Variants in FMNL2 observed in about 807,000 individuals in gnomAD.
FMNL2 encodes the protein formin-like protein 2.
In FMNL2, 51 loss-of-function variants were observed where a neutral mutation model predicts 130.2. That is an observed-to-expected ratio of 0.39 (90% CI 0.31 to 0.49). The LOEUF (loss-of-function observed/expected upper bound fraction) is 0.49. Among genes scored for constraint, FMNL2 ranks in the 20% least tolerant of loss-of-function variants. The probability of loss-of-function intolerance (pLI) is 0.85; values close to 1 mark genes in which losing one functional copy is unlikely to be tolerated. For missense variants in FMNL2, 977 were observed against 1,316.2 expected (o/e 0.74, Z 3.99); for synonymous variants, 465 against 467.1 (o/e 1.00, Z 0.06).
intron 1 of FMNL2, among the ~76,000 whole-genome samples, chr2:152,429,085 TA>T (rs1182786448): frequency 3.3e-5 from 5 of 151,878 alleles, no homozygotes; most frequent in Non-Finnish European, 5.9e-5. Context: ...ATGCTGGGCT[TA>T]ATACCTGGGT....
chr2:152,501,583 G>A lies in FMNL2; in HGVS notation c.118-20360G>A, dbSNP rs549463573. 1.2e-3 allele frequency among the ~76,000 whole-genome samples: 186 copies of A among 152,312 alleles called. 1 individual carries two copies. Among genetic ancestry groups the A allele is most frequent in the African/African-American group, 4.2e-3 (173 of 41,562 alleles). Reference sequence around the variant, plus strand: ...GCTGGAAAGCAAAATCCCCCAGGATGTCCACGGTTTTGGGTGAGAGGGTCT... The same window carrying A: ...GCTGGAAAGCAAAATCCCCCAGGATATCCACGGTTTTGGGTGAGAGGGTCT... On this transcript the variant is annotated intron_variant, in intron 1 of 25. Transcript: ENST00000288670.
At chr2:152,365,915 C>T (rs1284346654) in intron 1 of FMNL2, among the ~76,000 whole-genome samples, 1 of 152,122 alleles carries the variant, frequency 6.6e-6, no homozygotes, top group Non-Finnish European at 1.5e-5. Context: ...CAAATTGATC[C>T]TTGTTTGCAT....
intron 1 of FMNL2, among the ~76,000 whole-genome samples, chr2:152,471,416 C>T (rs1047139601): frequency 2.0e-5 from 3 of 152,162 alleles, no homozygotes; most frequent in Middle Eastern, 3.2e-3. Context: ...TGTATTTATT[C>T]TTGACAAAGA....
At chr2:152,373,777 A>C (rs576323872) in intron 1 of FMNL2, among the ~76,000 whole-genome samples, 2 of 151,698 alleles carry the variant, frequency 1.3e-5, no homozygotes, top group East Asian at 3.9e-4. Context: ...TGTGGAACCC[A>C]TGGATACAGA....
intron 1 of FMNL2, among the ~76,000 whole-genome samples, chr2:152,373,215 A>G (rs71417219): frequency 0.057 from 8,605 of 152,288 alleles, 297 homozygotes; most frequent in Non-Finnish European, 0.076. Context: ...ATTCAAGGTT[A>G]ATTCTTTAAC....
At chr2:152,406,894 G>A (rs529396791) in intron 1 of FMNL2, among the ~76,000 whole-genome samples, 9 of 152,030 alleles carry the variant, frequency 5.9e-5, no homozygotes, top group Non-Finnish European at 1.2e-4. Context: ...TGATTTAAAG[G>A]TATTGAATGT....
chr2:152,427,880 G>A (rs1024444798), intron 1 of FMNL2, among the ~76,000 whole-genome samples: 3 of 152,126 alleles, frequency 2.0e-5, no homozygotes, highest in African/African-American at 4.8e-5. Flanking sequence ...TTTGTGCAGT[G>A]CACATACCCT....
At chr2:152,627,916 G>A (rs764493735) in intron 17 of FMNL2, among the ~76,000 whole-genome samples, 1 of 152,194 alleles carries the variant, frequency 6.6e-6, no homozygotes, top group African/African-American at 2.4e-5. Context: ...TGAATTAGCT[G>A]TACTTCACAA....
At chr2:152,530,442 T>C (rs947889601) in intron 2 of FMNL2, among the ~76,000 whole-genome samples, 1 of 152,212 alleles carries the variant, frequency 6.6e-6, no homozygotes, top group Non-Finnish European at 1.5e-5. Flanking sequence ...TGAAGTCTAC[T>C]GATGCCTGAT....
chr2:152,606,993 GTTTT>G (rs775179339), intron 9 of FMNL2, among the ~76,000 whole-genome samples: 9 of 108,922 alleles, frequency 8.3e-5, no homozygotes, highest in Non-Finnish European at 1.3e-4. Context: ...AGCTATGGTC[GTTTT>G]TTTTTTTTGT....
At chr2:152,473,814 T>C (rs1487266358) in intron 1 of FMNL2, among the ~76,000 whole-genome samples, 2 of 152,092 alleles carry the variant, frequency 1.3e-5, no homozygotes, top group Admixed American at 6.5e-5. Context: ...GACCATGGAG[T>C]ATTTGTGTAG....
At chr2:152,575,418 A>T (rs892469771) in intron 7 of FMNL2, among the ~76,000 whole-genome samples, 174 bp downstream of exon 7, 5 of 147,480 alleles carry the variant, frequency 3.4e-5, no homozygotes, top group East Asian at 2.0e-4. Context: ...AGCTGTTGAA[A>T]TTTTTTTAAA....
intron 1 of FMNL2, among the ~76,000 whole-genome samples, chr2:152,395,601 A>G (rs751772278): frequency 6.6e-6 from 1 of 152,210 alleles, no homozygotes; most frequent in African/African-American, 2.4e-5. Flanking sequence ...CTAGACTACA[A>G]TGGTACACTT....
chr2:152,373,239 A>G (rs566530555), intron 1 of FMNL2, among the ~76,000 whole-genome samples: 1 of 152,350 alleles, frequency 6.6e-6, no homozygotes, highest in South Asian at 2.1e-4. Context: ...AGATTTTAAG[A>G]ATCAGTTTTT....
intron 1 of FMNL2, among the ~76,000 whole-genome samples, chr2:152,375,325 C>A (rs915122065): frequency 2.0e-5 from 3 of 152,222 alleles, no homozygotes; most frequent in Non-Finnish European, 1.5e-5. Context: ...GCTCTTCAGC[C>A]TCTGAAGGCA....
At chr2:152,475,826 C>CA (rs561233902) in intron 1 of FMNL2, among the ~76,000 whole-genome samples, 12 of 151,532 alleles carry the variant, frequency 7.9e-5, no homozygotes, top group East Asian at 3.9e-4. Flanking sequence ...ATTCTTACTA[C>CA]AAAAAAAAGG....
At chr2:152,471,809 G>A (rs907409897) in intron 1 of FMNL2, among the ~76,000 whole-genome samples, 1 of 152,156 alleles carries the variant, frequency 6.6e-6, no homozygotes, top group Non-Finnish European at 1.5e-5. Flanking sequence ...GGAAACGGAA[G>A]TCCACCTTGG....
intron 9 of FMNL2, among the ~76,000 whole-genome samples, chr2:152,600,072 T>C (rs1458198182): frequency 2.0e-5 from 3 of 152,146 alleles, no homozygotes; most frequent in Non-Finnish European, 4.4e-5. Context: ...GTGCACTCAG[T>C]AGATGGTAAA....
chr2:152,429,662 T>C (rs1687393697), intron 1 of FMNL2, among the ~76,000 whole-genome samples: 1 of 152,068 alleles, frequency 6.6e-6, no homozygotes, highest in South Asian at 2.1e-4. Context: ...CTATCTTCAA[T>C]TTGTCTTCAA....
Sources: allele counts gnomAD v4.1 joint callset (sites outside exome capture counted in the v4.1 genomes callset), GRCh38; gene constraint gnomAD v4.1.1; transcripts MANE v1.5; gene names NCBI Gene and HGNC (gene_info 2026-07-23, HGNC 2026-07-21).